USP33: variants seen among roughly 807,000 people sequenced by gnomAD.
The protein encoded by USP33 is ubiquitin specific peptidase 33.
A neutral mutation model predicts 124.2 loss-of-function variants in USP33; 46 were observed. That is an observed-to-expected ratio of 0.37 (90% CI 0.29 to 0.47). USP33 has a LOEUF of 0.47. Ranked by LOEUF, USP33 falls within the 20% of genes least tolerant of loss-of-function variation. The pLI is 0.99. For missense variants in USP33, 851 were observed against 1,070.6 expected (o/e 0.79, Z 2.86); for synonymous variants, 350 against 352.3 (o/e 0.99, Z 0.07).
At chr1:77,757,345 C>A (rs1165615235) in intron 1 of USP33, among the ~76,000 whole-genome samples, 2 of 152,166 alleles carry the variant, frequency 1.3e-5, no homozygotes, top group African/African-American at 4.8e-5. Flanking sequence ...AAAATATTGA[C>A]CTAACTTAAC....
intron 12 of USP33, 154 bp from the exon 13 acceptor site, chr1:77,722,350 C>G: frequency 1.6e-6 from 1 of 609,022 alleles, no homozygotes; most frequent in Non-Finnish European, 2.7e-6. Flanking sequence ...CTTTCATAGT[C>G]ATAATAGCAA....
intron 5 of USP33, among the ~76,000 whole-genome samples, chr1:77,737,110 A>G (rs963593642): frequency 2.0e-5 from 3 of 152,178 alleles, no homozygotes; most frequent in Admixed American, 2.0e-4. Context: ...AAAAATCAAA[A>G]TTTGAAAGTT....
At chr1:77,706,108 C>T (rs1213911771) in intron 21 of USP33, among the ~76,000 whole-genome samples, 2 of 152,152 alleles carry the variant, frequency 1.3e-5, no homozygotes, top group Non-Finnish European at 2.9e-5. Flanking sequence ...AACAATACTG[C>T]CATAAACATT....
intron 17 of USP33, among the ~76,000 whole-genome samples, chr1:77,716,149 T>C (rs1430014278): frequency 6.6e-6 from 1 of 152,158 alleles, no homozygotes; most frequent in Non-Finnish European, 1.5e-5. Context: ...GCCTCAAATT[T>C]CTGGGCTCAA....
At chr1:77,712,112 A>G (rs1442081160) in intron 20 of USP33, among the ~76,000 whole-genome samples, 2 of 152,218 alleles carry the variant, frequency 1.3e-5, no homozygotes, top group Non-Finnish European at 2.9e-5. Flanking sequence ...CAACAAACTA[A>G]AAGAAGTGGT....
chr1:77,712,841 G>A (rs866137621), intron 20 of USP33, among the ~76,000 whole-genome samples: 13 of 151,998 alleles, frequency 8.6e-5, no homozygotes, highest in Middle Eastern at 3.4e-3. Flanking sequence ...CTGGTTGATG[G>A]AGCAAGACCT....
chr1:77,721,196 A>C lies in USP33; in HGVS notation c.1667T>G (p.Met556Arg). The C allele has an allele frequency of 6.2e-7, 1 of 1,613,936 alleles. No homozygotes were observed. Among genetic ancestry groups the C allele is most frequent in the Non-Finnish European group, 8.5e-7 (1 of 1,179,930 alleles). The change falls in exon 15 of 24, where the codon ATG becomes AGG. Residue 556 changes from methionine (M) to arginine (R), a missense_variant. Physicochemically the swap from Met to Arg is moderately conservative, Grantham distance 91 (BLOSUM62 -1). Coordinates refer to ENST00000370794, the MANE Select transcript of USP33 (RefSeq NM_201624.3). The stretch of plus-strand genomic sequence containing the variant: ...CTTTTTGCATTTTTCACAACTGTAC[A>C]TATTGTCACCTGCAAATAAAACAGA... ...FARDELKGDN[M>R]YSCEKCKKLR...
At position 77,721,165 on chromosome 1, in the gene USP33, C is replaced by T. The variant is rs1184756469; in HGVS notation, c.1691+7G>A. The T allele has an allele frequency of 6.2e-7, 1 of 1,613,860 alleles. No homozygotes were observed. Among genetic ancestry groups the T allele is most frequent in the Non-Finnish European group, 8.5e-7 (1 of 1,179,862 alleles). Reference sequence around the variant, plus strand: ...ATGCAATTAAAAGCACTGTCAATGTCACTTACTTTTTGCATTTTTCACAAC... The same window carrying T: ...ATGCAATTAAAAGCACTGTCAATGTTACTTACTTTTTGCATTTTTCACAAC... On this transcript the variant is annotated splice_region_variant and intron_variant, in intron 15 of 23. Transcript: ENST00000370794.
At chr1:77,747,128 G>T (rs1417453801) in intron 1 of USP33, among the ~76,000 whole-genome samples, 1 of 151,384 alleles carries the variant, frequency 6.6e-6, no homozygotes, top group Non-Finnish European at 1.5e-5. Context: ...TTTAATTGTG[G>T]TAAACACCAT....
intron 11 of USP33, among the ~76,000 whole-genome samples, chr1:77,725,141 G>T (rs1250642424): frequency 6.6e-6 from 1 of 151,422 alleles, no homozygotes; most frequent in Admixed American, 6.6e-5. Flanking sequence ...ATCCTGAGAG[G>T]CAAACCTGTT....
At chr1:77,698,946 G>C (rs1253081003) in intron 22 of USP33, among the ~76,000 whole-genome samples, 1 of 151,892 alleles carries the variant, frequency 6.6e-6, no homozygotes, top group Non-Finnish European at 1.5e-5. Context: ...AACAATAAAA[G>C]CATTATAAAA....
At chr1:77,716,887 T>C (rs1445492489) in intron 17 of USP33, among the ~76,000 whole-genome samples, 1 of 150,384 alleles carries the variant, frequency 6.6e-6, no homozygotes, top group African/African-American at 2.4e-5. Flanking sequence ...TTTTTTGACA[T>C]GGAGTTTTGC....
intron 11 of USP33, among the ~76,000 whole-genome samples, chr1:77,724,537 T>C (rs1676942403): frequency 6.6e-6 from 1 of 152,176 alleles, no homozygotes; most frequent in Non-Finnish European, 1.5e-5. Flanking sequence ...GAATACTAAA[T>C]GGTAGACACT....
At chr1:77,742,867 A>G (rs1404675735) in intron 1 of USP33, among the ~76,000 whole-genome samples, 1 of 151,808 alleles carries the variant, frequency 6.6e-6, no homozygotes, top group Non-Finnish European at 1.5e-5. Flanking sequence ...ACTATATAGA[A>G]CCCCTTTGTT....
intron 5 of USP33, among the ~76,000 whole-genome samples, chr1:77,736,374 C>T (rs1401621949): frequency 1.3e-5 from 2 of 152,054 alleles, no homozygotes; most frequent in African/African-American, 4.8e-5. Context: ...GCTTTATTAA[C>T]ATATATATTT....
intron 21 of USP33, among the ~76,000 whole-genome samples, chr1:77,707,940 T>C (rs770389958): frequency 6.6e-6 from 1 of 152,246 alleles, no homozygotes; most frequent in African/African-American, 2.4e-5. Context: ...AGTGTGACTA[T>C]ACTCTCTGAA....
At chr1:77,742,826 T>C (rs1396450934) in intron 1 of USP33, among the ~76,000 whole-genome samples, 1 of 152,196 alleles carries the variant, frequency 6.6e-6, no homozygotes, top group Non-Finnish European at 1.5e-5. Flanking sequence ...AGTTATTCAA[T>C]AAACCATGCA....
intron 21 of USP33, among the ~76,000 whole-genome samples, chr1:77,704,216 T>C (rs1355311933): frequency 1.3e-5 from 2 of 151,936 alleles, no homozygotes; most frequent in Non-Finnish European, 2.9e-5. Context: ...AATGGAACAA[T>C]GAAATGGAAA....
chr1:77,701,825 G>A (rs930236128), intron 21 of USP33, among the ~76,000 whole-genome samples: 4 of 151,804 alleles, frequency 2.6e-5, no homozygotes, highest in South Asian at 2.1e-4. Flanking sequence ...GCCTGCCACC[G>A]CACCTGGCTA....
Sources: allele counts gnomAD v4.1 joint callset (sites outside exome capture counted in the v4.1 genomes callset), GRCh38; gene constraint gnomAD v4.1.1; transcripts MANE v1.5; gene names NCBI Gene and HGNC (gene_info 2026-07-23, HGNC 2026-07-21).